Variants in PDE1C observed in about 807,000 individuals in gnomAD.
The protein encoded by PDE1C is phosphodiesterase 1C, also known as dual specificity calcium/calmodulin-dependent 3',5'-cyclic nucleotide phosphodiesterase 1C.
A neutral mutation model predicts 93.1 loss-of-function variants in PDE1C; 62 were observed. The observed-to-expected ratio is 0.67, with a 90% CI of 0.54 to 0.82. The LOEUF is 0.82. PDE1C is among the 40% of genes least tolerant of loss of function. PDE1C has a pLI of 0.00. For synonymous variants in PDE1C, 325 were observed against 310.1 expected, an observed-to-expected ratio of 1.05 and a Z score of -0.50; for missense variants, 742 against 884.6, an observed-to-expected ratio of 0.84 and a Z score of 2.04.
At chr7:32,087,400 G>A (rs562598910) in intron 3 of PDE1C, among the ~76,000 whole-genome samples, 291 of 152,210 alleles carry the variant, frequency 1.9e-3, no homozygotes, top group African/African-American at 6.9e-3. Flanking sequence ...TACACTGTTG[G>A]TGGGACTGTA....
At chr7:32,164,624 C>T (rs1016732784) in intron 3 of PDE1C, among the ~76,000 whole-genome samples, 2 of 152,214 alleles carry the variant, frequency 1.3e-5, no homozygotes, top group East Asian at 3.8e-4. Flanking sequence ...GATAACAATA[C>T]TCAACTTGCC....
At chr7:31,771,565 C>G (rs1795489683) in intron 17 of PDE1C, among the ~76,000 whole-genome samples, 3 of 152,020 alleles carry the variant, frequency 2.0e-5, no homozygotes, top group Admixed American at 2.0e-4. Context: ...TTGGGTTTTA[C>G]TTTTGTTGTT....
chr7:32,111,257 A>G (rs142614452), intron 3 of PDE1C, among the ~76,000 whole-genome samples: 748 of 152,330 alleles, frequency 4.9e-3, no homozygotes, highest in African/African-American at 0.017. Flanking sequence ...TAGATTTTCA[A>G]GCTTTGAGCA....
At chr7:32,354,272 A>G (rs541746934) in intron 1 of PDE1C, among the ~76,000 whole-genome samples, 64 of 152,328 alleles carry the variant, frequency 4.2e-4, no homozygotes, top group African/African-American at 1.5e-3. Flanking sequence ...CCCTTCATCA[A>G]TCACAATTGT....
chr7:32,167,562 T>C (rs1036265637), intron 3 of PDE1C, among the ~76,000 whole-genome samples: 4 of 152,038 alleles, frequency 2.6e-5, no homozygotes, highest in Admixed American at 6.6e-5. Context: ...ACAAAAGGCA[T>C]AACAGGATAA....
intron 5 of PDE1C, among the ~76,000 whole-genome samples, chr7:31,875,557 C>T (rs531724617): frequency 1.3e-5 from 2 of 151,892 alleles, no homozygotes; most frequent in East Asian, 2.0e-4. Flanking sequence ...TCCTCATTCA[C>T]CAAATTTTGC....
At chr7:32,157,693 T>A (rs1277259814) in intron 3 of PDE1C, among the ~76,000 whole-genome samples, 1 of 152,166 alleles carries the variant, frequency 6.6e-6, no homozygotes, top group East Asian at 1.9e-4. Flanking sequence ...TCTTAAGAGA[T>A]ACAAGCTAAA....
At chr7:31,736,370 C>T in the PDE1C span, among the ~76,000 whole-genome samples, 1 of 152,194 alleles carries the variant, frequency 6.6e-6, no homozygotes, top group Non-Finnish European at 1.5e-5. Context: ...ACATTCTTCC[C>T]TAAGACTGTG....
chr7:31,809,445 T>C (rs1787280874), intron 15 of PDE1C, among the ~76,000 whole-genome samples: 1 of 152,108 alleles, frequency 6.6e-6, no homozygotes, highest in African/African-American at 2.4e-5. Context: ...TTAACTTCTC[T>C]GTGCTTCAGT....
intron 1 of PDE1C, among the ~76,000 whole-genome samples, chr7:32,269,262 G>T (rs1398887235): frequency 6.6e-6 from 1 of 151,906 alleles, no homozygotes; most frequent in Non-Finnish European, 1.5e-5. Flanking sequence ...CAGGGGGGGT[G>T]AGATGCTGCA....
rs138849737 is a variant in PDE1C at position 31,883,395 on chromosome 7, T to G, written c.129-2535A>C. ...AACTGTACCAAATGGACAAGTAATT[T>G]AAAAAGATTCTGGAAAGAAGAGACA... On this transcript the variant is annotated intron_variant, in intron 2 of 17. Coordinates refer to ENST00000396191, the MANE Select transcript of PDE1C (RefSeq NM_001191057.4). Among the ~76,000 whole-genome samples the G allele has an allele frequency of 2.6e-3, 400 of 152,248 alleles. 3 individuals carry two copies. The highest frequency in any genetic ancestry group is 6.3e-3 in the African/African-American group (261 of 41,550).
chr7:31,839,113 T>C (rs1423020725), intron 9 of PDE1C, among the ~76,000 whole-genome samples: 3 of 148,694 alleles, frequency 2.0e-5, no homozygotes, highest in Non-Finnish European at 3.0e-5. Context: ...ATATGTATTA[T>C]ATATTAAATA....
At chr7:32,359,732 G>T (rs1018123075) in intron 1 of PDE1C, among the ~76,000 whole-genome samples, 2 of 152,092 alleles carry the variant, frequency 1.3e-5, no homozygotes, top group African/African-American at 2.4e-5. Context: ...AATCATTGTG[G>T]TCTCTTCTAC....
At chr7:32,141,238 G>A (rs551062995) in intron 3 of PDE1C, among the ~76,000 whole-genome samples, 8 of 152,146 alleles carry the variant, frequency 5.3e-5, no homozygotes, top group South Asian at 2.1e-4. Flanking sequence ...CTAAGAAAGC[G>A]AGAGAATAGC....
At chr7:32,225,104 CGTT>C (rs780925127) in intron 1 of PDE1C, among the ~76,000 whole-genome samples, 22 of 152,062 alleles carry the variant, frequency 1.4e-4, no homozygotes, top group Admixed American at 5.2e-4. Context: ...GCAAACCTAT[CGTT>C]GTCAGTTTTC....
Position 32,422,805 on chromosome 7 carries a change from G to C in PDE1C, c.310+5017C>G, listed in dbSNP as rs1785458998. On this transcript the variant is annotated intron_variant, in intron 1 of 1. Transcript: ENST00000672256. ...CAGATTAAAGGCATCACTGGTAAAG[G>C]ATCATAAGTATCCTGATGTTTTAGA... Among the ~76,000 whole-genome samples, 3 of 152,146 alleles carry C rather than the reference G, an allele frequency of 2.0e-5. No individual in the cohort carries two copies. The South Asian group carries it at 6.2e-4, about 32-fold the overall frequency.
chr7:32,249,867 T>A (rs1809236288), intron 1 of PDE1C, among the ~76,000 whole-genome samples: 2 of 152,178 alleles, frequency 1.3e-5, no homozygotes, highest in East Asian at 3.9e-4. Context: ...AGGGTTACCT[T>A]TGAAAATCCC....
At chr7:31,903,828 A>G (rs1194621498) in intron 2 of PDE1C, among the ~76,000 whole-genome samples, 1 of 152,108 alleles carries the variant, frequency 6.6e-6, no homozygotes, top group Non-Finnish European at 1.5e-5. Flanking sequence ...ACAGCTGCTC[A>G]TGAGATGTCT....
intron 2 of PDE1C, among the ~76,000 whole-genome samples, chr7:31,912,067 G>A (rs1801310512): frequency 2.6e-5 from 4 of 151,956 alleles, no homozygotes; most frequent in South Asian, 4.1e-4. Context: ...CCATTGGTTC[G>A]AGGGCAAAAA....
Sources: allele counts gnomAD v4.1 joint callset (sites outside exome capture counted in the v4.1 genomes callset), GRCh38; gene constraint gnomAD v4.1.1; transcripts MANE v1.5; gene names NCBI Gene and HGNC (gene_info 2026-07-23, HGNC 2026-07-21).